Variants in CCDC178 observed in about 807,000 individuals in gnomAD.
The protein encoded by CCDC178 is coiled-coil domain containing 178.
In CCDC178, 126 loss-of-function variants were observed where a neutral mutation model predicts 117.4. The ratio of observed to expected loss-of-function variants is 1.07; its 90% CI spans 0.93 to 1.24. The LOEUF is 1.24. Among genes scored for constraint, CCDC178 ranks in the 50% most tolerant of loss-of-function variants. CCDC178 has a pLI of 0.00. For synonymous variants in CCDC178, 283 were observed against 313.4 expected (o/e 0.90, Z 1.02); for missense variants, 1,030 against 986.9 (o/e 1.04, Z -0.59).
At chr18:33,097,654 C>T (rs1034069178) in intron 20 of CCDC178, among the ~76,000 whole-genome samples, 1 of 152,062 alleles carries the variant, frequency 6.6e-6, no homozygotes, top group Non-Finnish European at 1.5e-5. Flanking sequence ...CATGAGCCAG[C>T]ACTTTTAAAC....
chr18:33,095,106 C>A (rs961881445), intron 20 of CCDC178, among the ~76,000 whole-genome samples: 69 of 152,022 alleles, frequency 4.5e-4, no homozygotes, highest in African/African-American at 1.6e-3. Flanking sequence ...AGGGAAATAG[C>A]TCATAAAAGG....
intron 21 of CCDC178, among the ~76,000 whole-genome samples, chr18:33,041,212 A>C (rs1439841134): frequency 3.3e-5 from 5 of 151,868 alleles, no homozygotes; most frequent in African/African-American, 9.7e-5. Flanking sequence ...ATCACCCTAT[A>C]AACTGAGACA....
chr18:33,293,022 A>G (rs1178443888), intron 12 of CCDC178, 137 bp downstream of exon 12: 4 of 555,752 alleles, frequency 7.2e-6, no homozygotes, highest in South Asian at 2.4e-5. Context: ...GTTATGCAGC[A>G]ATAGAAAACT....
At chr18:33,349,528 T>C (rs1215531910) in intron 7 of CCDC178, among the ~76,000 whole-genome samples, 1 of 151,954 alleles carries the variant, frequency 6.6e-6, no homozygotes, top group African/African-American at 2.4e-5. Flanking sequence ...TGACTATAAA[T>C]TAAAATGTTA....
rs927384416 is a variant in CCDC178, at chr18:33,214,424, A to C, written c.2078+1126T>G. On this transcript the variant is annotated intron_variant, in intron 19 of 22. Coordinates refer to ENST00000383096, the MANE Select transcript of CCDC178 (RefSeq NM_001105528.4). ...AGAGAGAGAACTGATTCACTGGGAC[A>C]TGGAAACCACTCTTGTCTGAAAGGC... 2.2e-4 allele frequency among the ~76,000 whole-genome samples: 33 copies of C among 152,156 alleles called. No homozygotes were observed. The Middle Eastern group carries it at 0.01, about 47-fold the overall frequency.
chr18:33,414,033 A>G (rs1433565079), intron 2 of CCDC178, among the ~76,000 whole-genome samples: 5 of 152,184 alleles, frequency 3.3e-5, no homozygotes, highest in Non-Finnish European at 5.9e-5. Flanking sequence ...ACCAAAATCA[A>G]CAGAAACAAA....
intron 2 of CCDC178, among the ~76,000 whole-genome samples, chr18:33,418,316 C>T (rs1036903961): frequency 1.1e-4 from 16 of 152,026 alleles, no homozygotes; most frequent in African/African-American, 3.9e-4. Flanking sequence ...TTCAACAAAC[C>T]TGGCATCAAA....
chr18:33,004,381 C>T (rs576145078), intron 21 of CCDC178, among the ~76,000 whole-genome samples: 2 of 152,068 alleles, frequency 1.3e-5, no homozygotes, highest in Non-Finnish European at 2.9e-5. Flanking sequence ...GAACATACAC[C>T]GAGGAAGACA....
At chr18:33,060,363 G>T (rs1258862098) in intron 21 of CCDC178, among the ~76,000 whole-genome samples, 2 of 151,834 alleles carry the variant, frequency 1.3e-5, no homozygotes, top group African/African-American at 2.4e-5. Context: ...ATTATTTGAG[G>T]AAACTCCATT....
intron 20 of CCDC178, among the ~76,000 whole-genome samples, chr18:33,146,987 T>C (rs2058275536): frequency 6.6e-6 from 1 of 152,072 alleles, no homozygotes; most frequent in Non-Finnish European, 1.5e-5. Context: ...TTAAGAAAAC[T>C]GTGAAGCCCT....
chr18:33,220,628 C>T (rs1040616758), intron 18 of CCDC178, among the ~76,000 whole-genome samples: 4 of 152,070 alleles, frequency 2.6e-5, no homozygotes, highest in Admixed American at 2.6e-4. Context: ...CTAAGTACTT[C>T]ACAGGGTTGC....
chr18:33,247,362 T>G (rs1002325859), intron 14 of CCDC178, among the ~76,000 whole-genome samples: 1 of 151,552 alleles, frequency 6.6e-6, no homozygotes, highest in Non-Finnish European at 1.5e-5. Flanking sequence ...GAAAAGAAAT[T>G]TTGACACACA....
At chr18:33,215,791 A>C in intron 18 of CCDC178, 96 bp from the exon 19 acceptor site, 1 of 957,898 alleles carries the variant, frequency 1.0e-6, no homozygotes, top group Non-Finnish European at 1.5e-6. Context: ...GTGAACAACT[A>C]AAAGTTAATA....
chr18:33,117,411 C>T (rs1314404020), intron 20 of CCDC178, among the ~76,000 whole-genome samples: 6 of 152,062 alleles, frequency 3.9e-5, no homozygotes, highest in Non-Finnish European at 1.5e-5. Context: ...ACAGCCACTG[C>T]AGAGTCCTTA....
At chr18:32,987,583 C>A (rs1472932951) in intron 21 of CCDC178, among the ~76,000 whole-genome samples, 1 of 152,074 alleles carries the variant, frequency 6.6e-6, no homozygotes, top group Non-Finnish European at 1.5e-5. Flanking sequence ...ATTACACCAT[C>A]TTCTTAAGCA....
At chr18:33,137,372 TA>T (rs1568010973) in intron 20 of CCDC178, among the ~76,000 whole-genome samples, 1 of 152,266 alleles carries the variant, frequency 6.6e-6, no homozygotes, top group African/African-American at 2.4e-5. Context: ...AGGAATTAAG[TA>T]AAAAAGAATA....
At chr18:33,278,907 G>A (rs1047935268) in intron 12 of CCDC178, among the ~76,000 whole-genome samples, 7 of 151,870 alleles carry the variant, frequency 4.6e-5, no homozygotes, top group African/African-American at 1.5e-4. Flanking sequence ...ATTCAACAAC[G>A]TTCATGCTAA....
intron 20 of CCDC178, among the ~76,000 whole-genome samples, chr18:33,129,355 C>T (rs942491675): frequency 6.6e-6 from 1 of 151,948 alleles, no homozygotes; most frequent in Non-Finnish European, 1.5e-5. Flanking sequence ...CATTAACTCC[C>T]TATTATGATG....
At chr18:33,094,713 T>C (rs777831308) in intron 20 of CCDC178, among the ~76,000 whole-genome samples, 5 of 152,024 alleles carry the variant, frequency 3.3e-5, no homozygotes, top group South Asian at 2.1e-4. Flanking sequence ...AATGCATACA[T>C]GTTCAATTTC....
Sources: gnomAD v4.1 joint callset for allele counts (sites outside exome capture counted in the v4.1 genomes callset) on GRCh38, gnomAD v4.1.1 for gene constraint, MANE v1.5 for transcripts, NCBI Gene and HGNC (gene_info 2026-07-23, HGNC 2026-07-21) for gene names.